FAM193B: variants seen among roughly 807,000 people sequenced by gnomAD.
FAM193B encodes protein FAM193B.
Under a neutral mutation model 70.7 loss-of-function variants are expected in FAM193B, and 27 were observed. The ratio of observed to expected loss-of-function variants is 0.38; its 90% CI spans 0.28 to 0.53. The LOEUF is 0.53. Among genes scored for constraint, FAM193B ranks in the 20% least tolerant of loss-of-function variants. The probability of loss-of-function intolerance (pLI) is 0.81; values close to 1 mark genes in which losing one functional copy is unlikely to be tolerated. For missense variants in FAM193B, 1,022 were observed against 1,072.5 expected, an observed-to-expected ratio of 0.95 and a Z score of 0.66; for synonymous variants, 448 against 436.0, an observed-to-expected ratio of 1.03 and a Z score of -0.34.
At chr5:177,553,125 G>T (rs1035839750) in intron 1 of FAM193B, 1 of 974,496 alleles carries the variant, frequency 1.0e-6, no homozygotes, top group African/African-American at 1.8e-5. Flanking sequence ...GGAGGTCAGG[G>T]GAGGCTTTGT....
intron 1 of FAM193B, among the ~76,000 whole-genome samples, chr5:177,545,106 T>C (rs1389143572): frequency 1.3e-5 from 2 of 152,202 alleles, no homozygotes; most frequent in Non-Finnish European, 2.9e-5. Flanking sequence ...TGCAGTGGCA[T>C]GATCTCAGCT....
chr5:177,538,234 T>A lies in FAM193B; in HGVS notation c.454-127A>T. 1.1e-6 allele frequency: 1 copy of A among 936,848 alleles called. No homozygotes were observed. Among genetic ancestry groups the A allele is most frequent in the Non-Finnish European group, 1.6e-6 (1 of 639,970 alleles). 58.0% of individuals were successfully genotyped at this position (936,848 alleles called of 1,614,324 possible). On this transcript the variant is annotated intron_variant, in intron 2 of 8. Coordinates refer to ENST00000514747, the MANE Select transcript of FAM193B (RefSeq NM_001190946.3). This position sits in a 1 kb window ranked among gnomAD's most constrained non-coding sequence, Gnocchi z 4.1. ...CCATGTGCCATAGCAAAAACACAAT[T>A]AATACAACTCCAGCTATAAGAACAA...
At position 177,524,875 on chromosome 5, in the gene FAM193B, G is replaced by C; in HGVS notation, c.1606C>G (p.Pro536Ala). ...QQPDINLDLSPLTLGSPQNHT... is the reference protein window; with the variant it reads ...QQPDINLDLSALTLGSPQNHT... ...TTCTGAGGGGAGCCCAAAGTCAAAG[G>C]GGACAGGTCAAGGTTGATGTCAGGC... Residue 536 changes from proline to alanine, a missense_variant, in exon 6 of 9, where the codon CCT (proline) becomes GCT (alanine). Physicochemically the swap from Pro to Ala is conservative, Grantham distance 27. Transcript: ENST00000514747. 1 of 1,511,550 alleles carries C rather than the reference G, an allele frequency of 6.6e-7. No homozygotes were observed. Among genetic ancestry groups the C allele is most frequent in the Non-Finnish European group, 8.8e-7 (1 of 1,131,784 alleles). The allele number at this position is 1,511,550 out of a possible 1,614,324, so 93.6% of individuals were successfully genotyped here. A position where few individuals can be genotyped will look rare whatever the true frequency, so the allele number is the denominator to read the frequency against.
At chr5:177,524,061 T>A in intron 6 of FAM193B, 29 bp from the exon 7 acceptor site, 3 of 1,613,850 alleles carry the variant, frequency 1.9e-6, no homozygotes, top group Non-Finnish European at 2.5e-6. Context: ...GAGGGCTCAG[T>A]GCCCATGGCC....
At position 177,537,866 on chromosome 5, in the gene FAM193B, G is replaced by A; in HGVS notation, c.688+7C>T. 1 of 1,604,604 alleles carries A rather than the reference G, an allele frequency of 6.2e-7. No homozygotes were observed. On this transcript the variant is annotated splice_region_variant and intron_variant, in intron 3 of 8. Transcript: ENST00000514747. ...GGCCTGGCTCTCTCCCGAGCCTGGAGACTCACCGGGGATGGTAGGAGGACT... is the reference window on the plus strand; with the variant it reads ...GGCCTGGCTCTCTCCCGAGCCTGGAAACTCACCGGGGATGGTAGGAGGACT...
chr5:177,541,662 G>A (rs1001998157), intron 1 of FAM193B, among the ~76,000 whole-genome samples: 2 of 152,184 alleles, frequency 1.3e-5, no homozygotes, highest in South Asian at 2.1e-4. Context: ...CTCGTGATCC[G>A]CCCGCCTCGG....
chr5:177,526,441 C>T (rs2127453815), intron 5 of FAM193B, among the ~76,000 whole-genome samples: 1 of 152,142 alleles, frequency 6.6e-6, no homozygotes, highest in East Asian at 1.9e-4. Flanking sequence ...GTGAGTAGGG[C>T]TCAGAGGCCC....
chr5:177,522,413 A>T (rs1217307446), intron 7 of FAM193B, among the ~76,000 whole-genome samples: 1 of 152,058 alleles, frequency 6.6e-6, no homozygotes, highest in Admixed American at 6.5e-5. Flanking sequence ...CAGATACCAA[A>T]CTCTGCAGAT....
At position 177,536,696 on chromosome 5, in the gene FAM193B, A is replaced by G; in HGVS notation, c.738T>C (p.Ala246=). ...GGTGGCCGGTGGGGCTGTTAGGGGG[A>G]GCAGTGAGGTCTGAGTGCTGGTGGT... ...SEHHQHSDLT[A]PPNSPTGHHP... The change falls in exon 4 of 9, where the codon GCT becomes GCC. Residue 246 remains alanine (A), a synonymous_variant. Transcript: ENST00000514747. The G allele has an allele frequency of 6.4e-7, 1 of 1,557,798 alleles. No individual in the cohort carries two copies. The highest frequency in any genetic ancestry group is 8.7e-7 in the Non-Finnish European group (1 of 1,154,318).
chr5:177,521,518 T>C (rs545355613), intron 8 of FAM193B, among the ~76,000 whole-genome samples: 29 of 152,334 alleles, frequency 1.9e-4, no homozygotes, highest in African/African-American at 6.3e-4. Flanking sequence ...CCCCTTCTTA[T>C]ACTGCTTCAG....
In FAM193B at chr5:177,532,777, T is replaced by C; in HGVS notation, c.1077-136A>G. The C allele has an allele frequency of 1.4e-6, 1 of 734,348 alleles. No individual in the cohort carries two copies. The highest frequency in any genetic ancestry group is 2.1e-6 in the Non-Finnish European group (1 of 477,202). The allele number at this position is 734,348 out of a possible 1,614,324, so 45.5% of individuals were successfully genotyped here. A position where few individuals can be genotyped will look rare whatever the true frequency, so the allele number is the denominator to read the frequency against. Reference sequence around the variant, plus strand: ...GAGGTCCCAGGTGGTCCAACTACATTGCACCTCTCACCTGAACAGGGCGAA... The same window carrying C: ...GAGGTCCCAGGTGGTCCAACTACATCGCACCTCTCACCTGAACAGGGCGAA... On this transcript the variant is annotated intron_variant, in intron 4 of 8. Coordinates refer to ENST00000514747, the MANE Select transcript of FAM193B (RefSeq NM_001190946.3). This position sits in a 1 kb window ranked among gnomAD's most constrained non-coding sequence, Gnocchi z 4.9.
intron 5 of FAM193B, chr5:177,531,483 G>C (rs750452947): frequency 2.2e-6 from 3 of 1,344,132 alleles, no homozygotes; most frequent in African/African-American, 3.0e-5. Context: ...GCTTCTCCCG[G>C]ATCTCGGTAT....
At chr5:177,549,141 A>G (rs1765841838) in intron 1 of FAM193B, among the ~76,000 whole-genome samples, 1 of 150,118 alleles carries the variant, frequency 6.7e-6, no homozygotes, top group Non-Finnish European at 1.5e-5. Flanking sequence ...AGCATACCGC[A>G]CTTGTTGGAC....
chr5:177,550,178 G>A (rs551224174), intron 1 of FAM193B, among the ~76,000 whole-genome samples: 2 of 152,158 alleles, frequency 1.3e-5, no homozygotes, highest in East Asian at 3.9e-4. Context: ...AAAATCCTAA[G>A]TGGGTAAGTC....
At chr5:177,531,990 G>C in intron 5 of FAM193B, 2 of 1,290,382 alleles carry the variant, frequency 1.5e-6, no homozygotes, top group South Asian at 2.5e-5. Flanking sequence ...CCCCTGGCCA[G>C]AGCCAGCATG....
chr5:177,548,548 CT>C (rs1388497742), intron 1 of FAM193B, among the ~76,000 whole-genome samples: 4 of 152,208 alleles, frequency 2.6e-5, no homozygotes, highest in Non-Finnish European at 4.4e-5. Flanking sequence ...AAAGATCCCC[CT>C]GGCACCCTCA....
rs1302981269 is a variant in FAM193B, at chr5:177,532,063, G to A, written c.1275+380C>T. ...CTCACGGCCTGTCCCTCGGCTGGCT[G>A]TCACACTTGGGGGACTGAGAGCCTT... On this transcript the variant is annotated intron_variant, in intron 5 of 8. Coordinates refer to ENST00000514747, the MANE Select transcript of FAM193B (RefSeq NM_001190946.3). This position sits in a 1 kb window ranked among gnomAD's most constrained non-coding sequence, Gnocchi z 4.9. 4 of 1,295,394 alleles carry A rather than the reference G, an allele frequency of 3.1e-6. No individual in the cohort carries two copies. In the African/African-American group the frequency reaches 6.1e-5, roughly 20 times the overall value. The allele number at this position is 1,295,394 out of a possible 1,614,324, so 80.2% of individuals were successfully genotyped here. A position where few individuals can be genotyped will look rare whatever the true frequency, so the allele number is the denominator to read the frequency against.
intron 1 of FAM193B, chr5:177,553,121 C>G: frequency 1.0e-6 from 1 of 973,826 alleles, no homozygotes; most frequent in Non-Finnish European, 1.2e-6. Flanking sequence ...CTGGGGAGGT[C>G]AGGGGAGGCT....
At position 177,544,079 on chromosome 5, in the gene FAM193B, A is replaced by G. The variant is rs538142110; in HGVS notation, c.211-4932T>C. Among the ~76,000 whole-genome samples the G allele has an allele frequency of 6.6e-5, 10 of 152,350 alleles. No homozygotes were observed. The South Asian group carries it at 2.1e-3, about 32-fold the overall frequency. On this transcript the variant is annotated intron_variant, in intron 1 of 8. Transcript: ENST00000514747. ...AGGGAAGAAAAGTTCTGGGGGTTCT[A>G]CTGATTTGGGATCTCCTCAAAAAAG... is the stretch of plus-strand genomic sequence containing the variant.
Sources: gnomAD v4.1 joint callset for allele counts (sites outside exome capture counted in the v4.1 genomes callset) on GRCh38, gnomAD v4.1.1 for gene constraint, Gnocchi (gnomAD v3.1) non-coding constraint, MANE v1.5 for transcripts, NCBI Gene and HGNC (gene_info 2026-07-23, HGNC 2026-07-21) for gene names.